NDUFA5: variants seen among roughly 807,000 people sequenced by gnomAD.
The protein encoded by NDUFA5 is NADH dehydrogenase [ubiquinone] 1 alpha subcomplex subunit 5.
Under a neutral mutation model 19.8 loss-of-function variants are expected in NDUFA5, and 11 were observed. The observed-to-expected ratio is 0.56, with a 90% confidence interval of 0.35 to 0.92. NDUFA5 has a LOEUF of 0.92. NDUFA5 is among the 40% of genes least tolerant of loss of function. The pLI, the probability that NDUFA5 is intolerant of heterozygous loss-of-function variation, is 0.01. For missense variants in NDUFA5, 109 were observed against 134.2 expected (o/e 0.81, Z 0.93); for synonymous variants, 47 against 46.8 (o/e 1.00, Z -0.01).
chr7:123,567,452 C>G, the NDUFA5 span, among the ~76,000 whole-genome samples: 9 of 152,132 alleles, frequency 5.9e-5, no homozygotes, highest in Non-Finnish European at 4.4e-5. Context: ...CTAGCCTATC[C>G]AATAAAAGAG....
chr7:123,589,895 G>T, the NDUFA5 span, among the ~76,000 whole-genome samples: 3 of 151,994 alleles, frequency 2.0e-5, no homozygotes, highest in African/African-American at 7.2e-5. Flanking sequence ...GAATCGCCAC[G>T]CTGTCTTCCA....
chr7:123,544,548 A>C lies in NDUFA5; in HGVS notation c.249+1063T>G, dbSNP rs28459804. On this transcript the variant is annotated intron_variant, in intron 4 of 4. Transcript: ENST00000355749. ...GAAAACCTCTACATATGGGGGAAAA[A>C]CCCCATTTGAGAGGCAAAAGCAGGC... Among the ~76,000 whole-genome samples the C allele has an allele frequency of 4.0e-5, 6 of 151,208 alleles. No homozygotes were observed. The South Asian group carries it at 1.2e-3, about 31-fold the overall frequency.
the NDUFA5 span, among the ~76,000 whole-genome samples, chr7:123,574,649 T>C: frequency 6.6e-6 from 1 of 152,172 alleles, no homozygotes; most frequent in East Asian, 1.9e-4. Flanking sequence ...CCCTCTAACA[T>C]TGAACCTCAT....
chr7:123,589,061 T>G, the NDUFA5 span, among the ~76,000 whole-genome samples: 1 of 151,848 alleles, frequency 6.6e-6, no homozygotes, highest in African/African-American at 2.4e-5. Context: ...ATATGTCTGT[T>G]AGGTTCATTT....
the NDUFA5 span, among the ~76,000 whole-genome samples, chr7:123,597,238 C>T: frequency 6.6e-6 from 1 of 152,146 alleles, no homozygotes; most frequent in Non-Finnish European, 1.5e-5. Flanking sequence ...ATTCACTCTG[C>T]ATATGTCACC....
chr7:123,539,873 G>A lies in NDUFA5; in HGVS notation c.*2246C>T, dbSNP rs1410514502. 1 of 152,178 alleles carries A rather than the reference G, an allele frequency of 6.6e-6. No individual in the cohort carries two copies. Among genetic ancestry groups the A allele is most frequent in the Non-Finnish European group, 1.5e-5 (1 of 68,030 alleles). The allele number at this position is 152,178 out of a possible 1,614,324, so 9.4% of individuals were successfully genotyped here. A position where few individuals can be genotyped will look rare whatever the true frequency, so the allele number is the denominator to read the frequency against. ...AATTTTGACAGAAAAGGTAAAGAGAGCAGGATCTAGTTTCATTTGGTACAG... is the reference window on the plus strand; with the variant it reads ...AATTTTGACAGAAAAGGTAAAGAGAACAGGATCTAGTTTCATTTGGTACAG... On this transcript the variant is annotated 3_prime_UTR_variant, in exon 5 of 5. Transcript: ENST00000355749.
intron 2 of NDUFA5, among the ~76,000 whole-genome samples, chr7:123,552,143 A>C (rs1798364963): frequency 6.6e-6 from 1 of 151,924 alleles, no homozygotes; most frequent in African/African-American, 2.4e-5. Context: ...ACAAGTATAC[A>C]AACCCTTCTC....
At chr7:123,544,667 G>A (rs540541883) in intron 4 of NDUFA5, among the ~76,000 whole-genome samples, 2 of 141,118 alleles carry the variant, frequency 1.4e-5, no homozygotes, top group South Asian at 4.5e-4. Context: ...CAGACTAAAT[G>A]ACCCAGTAAA....
At chr7:123,558,091 A>G (rs1798631526), upstream of NDUFA5, 1 of 533,092 alleles carries the variant, frequency 1.9e-6, no homozygotes, top group African/African-American at 1.9e-5. Flanking sequence ...ATTGAGGGAA[A>G]CACTCCCAAC....
Position 123,538,524 on chromosome 7 carries a change from C to A in NDUFA5, c.*3595G>T, listed in dbSNP as rs1428612323. ...ACAATTGGCATTACTATTGTTGTAGCATAGGCTACAATCTCACTGAACACT... is the reference window on the plus strand; with the variant it reads ...ACAATTGGCATTACTATTGTTGTAGAATAGGCTACAATCTCACTGAACACT... On this transcript the variant is annotated 3_prime_UTR_variant, in exon 5 of 5. Coordinates refer to ENST00000355749, the MANE Select transcript of NDUFA5 (RefSeq NM_005000.5). 1 of 152,184 alleles carries A rather than the reference C, an allele frequency of 6.6e-6. No homozygotes were observed. Among genetic ancestry groups the A allele is most frequent in the East Asian group, 1.9e-4 (1 of 5,192 alleles). 9.4% of individuals were successfully genotyped at this position (152,184 alleles called of 1,614,324 possible).
At chr7:123,560,075 G>A (rs1014629878), upstream of NDUFA5, among the ~76,000 whole-genome samples, 1 of 151,892 alleles carries the variant, frequency 6.6e-6, no homozygotes, top group African/African-American at 2.4e-5. Context: ...TTGAATACAG[G>A]ACAAAAACTA....
the NDUFA5 span, among the ~76,000 whole-genome samples, chr7:123,600,956 G>A: frequency 1.3e-5 from 2 of 152,026 alleles, no homozygotes; most frequent in African/African-American, 4.8e-5. Flanking sequence ...ATCCAATGAG[G>A]GTTTGTAAAA....
chr7:123,564,859 T>G, the NDUFA5 span, among the ~76,000 whole-genome samples: 1 of 151,730 alleles, frequency 6.6e-6, no homozygotes, highest in East Asian at 1.9e-4. Context: ...GGTTTATTGG[T>G]ATATAGCCCC....
upstream of NDUFA5, among the ~76,000 whole-genome samples, chr7:123,561,165 A>T (rs538717403): frequency 1.6e-4 from 24 of 152,292 alleles, no homozygotes; most frequent in East Asian, 4.0e-3. Context: ...TTTTGCAGAA[A>T]TTTTTCACAA....
chr7:123,572,303 G>A, the NDUFA5 span, among the ~76,000 whole-genome samples: 15 of 151,090 alleles, frequency 9.9e-5, no homozygotes, highest in East Asian at 1.2e-3. Flanking sequence ...CACCATGCCC[G>A]CTTAATTTTT....
chr7:123,548,888 G>GTGGATTCAAATAAGAA lies in NDUFA5; in HGVS notation c.183+1581_183+1582insTTCTTATTTGAATCCA, dbSNP rs534849018. Among the ~76,000 whole-genome samples the GTGGATTCAAATAAGAA allele has an allele frequency of 2.2e-3, 339 of 152,236 alleles. 1 individual carries two copies. Among genetic ancestry groups the GTGGATTCAAATAAGAA allele is most frequent in the African/African-American group, 7.7e-3 (319 of 41,550 alleles). On this transcript the variant is annotated intron_variant, in intron 3 of 4. Transcript: ENST00000355749. ...CAGTTGGCCCTCAGGATCTGCATCT[G>GTGGATTCAAATAAGAA]TGGATTCAACTAAGAATGGATTCAA...
chr7:123,583,920 A>C, the NDUFA5 span, among the ~76,000 whole-genome samples: 2 of 151,964 alleles, frequency 1.3e-5, no homozygotes, highest in African/African-American at 4.8e-5. Flanking sequence ...TTGACTTAGC[A>C]GCAGAATTTG....
At chr7:123,542,822 A>C (rs1797988267) in intron 4 of NDUFA5, among the ~76,000 whole-genome samples, 1 of 152,170 alleles carries the variant, frequency 6.6e-6, no homozygotes, top group African/African-American at 2.4e-5. Context: ...TAAATTCCTT[A>C]ATCAAATTAT....
intron 2 of NDUFA5, among the ~76,000 whole-genome samples, chr7:123,550,874 C>T (rs34225533): frequency 0.08 from 12,223 of 152,174 alleles, 564 homozygotes; most frequent in African/African-American, 0.12. Context: ...ACAAAACTAA[C>T]TTATTGCTAA....
Sources: gnomAD v4.1 joint callset for allele counts (sites outside exome capture counted in the v4.1 genomes callset) on GRCh38, gnomAD v4.1.1 for gene constraint, MANE v1.5 for transcripts, NCBI Gene and HGNC (gene_info 2026-07-23, HGNC 2026-07-21) for gene names.